Variants in DLC1 observed in about 807,000 individuals in gnomAD.
The protein encoded by DLC1 is rho GTPase-activating protein 7.
In DLC1, 54 loss-of-function variants were observed where a neutral mutation model predicts 140.3. The observed-to-expected ratio is 0.38, with a 90% confidence interval of 0.31 to 0.48. The LOEUF is 0.48. DLC1 is among the 20% of genes least tolerant of loss of function. DLC1 has a pLI of 0.96. For synonymous variants in DLC1, 986 were observed against 728.1 expected (o/e 1.35, Z -5.70); for missense variants, 2,536 against 1,907.0 (o/e 1.33, Z -6.14).
intron 1 of DLC1, among the ~76,000 whole-genome samples, chr8:13,549,861 A>G (rs1295883964): frequency 1.3e-5 from 2 of 152,118 alleles, no homozygotes; most frequent in African/African-American, 2.4e-5. Context: ...GTTACCCTTT[A>G]TTTCTATCCT....
chr8:13,352,769 C>T (rs990137923), intron 4 of DLC1, among the ~76,000 whole-genome samples: 5 of 152,114 alleles, frequency 3.3e-5, no homozygotes, highest in African/African-American at 4.8e-5. Flanking sequence ...GAGGAAGAAT[C>T]GTTAAGCAAC....
Position 13,500,021 on chromosome 8 carries a change from C to G in DLC1, c.51G>C (p.Trp17Cys), listed in dbSNP as rs201093868. The G allele has an allele frequency of 9.9e-6, 16 of 1,613,962 alleles. No individual in the cohort carries two copies. The highest frequency in any genetic ancestry group is 1.1e-5 in the South Asian group (1 of 91,088). Residue 17 changes from tryptophan (W) to cysteine (C), a missense_variant, in exon 2 of 18, where the codon TGG becomes TGC. Transcript: ENST00000276297. ...KRSWEEHVTH[W>C]MGQPFNSDDR... ...CATCAGAATTAAAAGGCTGTCCCAT[C>G]CAGTGGGTCACATGTTCTTCCCAGC...
chr8:13,124,479 AT>A (rs936370177), intron 5 of DLC1, among the ~76,000 whole-genome samples: 2 of 152,230 alleles, frequency 1.3e-5, no homozygotes, highest in African/African-American at 4.8e-5. Flanking sequence ...CATGGATCAG[AT>A]GGAAGCACCT....
intron 2 of DLC1, among the ~76,000 whole-genome samples, chr8:13,422,291 T>C (rs1418985143): frequency 1.3e-5 from 2 of 152,246 alleles, no homozygotes; most frequent in African/African-American, 2.4e-5. Flanking sequence ...CAGAAGCCCA[T>C]GGTAGATGAA....
intron 3 of DLC1, among the ~76,000 whole-genome samples, chr8:13,400,775 T>C (rs928813395): frequency 6.6e-6 from 1 of 151,882 alleles, no homozygotes; most frequent in African/African-American, 2.4e-5. Flanking sequence ...ATAAGTAAAC[T>C]CAACCATCCT....
intron 4 of DLC1, among the ~76,000 whole-genome samples, chr8:13,338,289 G>A (rs1375297316): frequency 6.6e-6 from 1 of 152,106 alleles, no homozygotes. Context: ...ATAAATTAGA[G>A]TCACAAAGCC....
chr8:13,470,981 C>G (rs986066771), intron 2 of DLC1, among the ~76,000 whole-genome samples: 6 of 152,104 alleles, frequency 3.9e-5, no homozygotes, highest in Admixed American at 2.0e-4. Flanking sequence ...GAAGGAAATC[C>G]TGACATGCTA....
intron 5 of DLC1, among the ~76,000 whole-genome samples, chr8:13,122,781 A>G (rs924279181): frequency 6.6e-6 from 1 of 150,732 alleles, no homozygotes; most frequent in Non-Finnish European, 1.5e-5. Flanking sequence ...AAAAATTCCA[A>G]ACATCTGCTA....
intron 5 of DLC1, among the ~76,000 whole-genome samples, chr8:13,244,898 G>T (rs1418969839): frequency 6.6e-6 from 1 of 152,352 alleles, no homozygotes; most frequent in South Asian, 2.1e-4. Flanking sequence ...AGGCAAGAAG[G>T]AAGACGGTTG....
chr8:13,232,205 C>A (rs1025995474), intron 5 of DLC1, among the ~76,000 whole-genome samples: 1 of 152,158 alleles, frequency 6.6e-6, no homozygotes, highest in Non-Finnish European at 1.5e-5. Context: ...AGACAGCTGT[C>A]TACCAGTGAT....
chr8:13,371,719 G>T (rs1246394267), intron 4 of DLC1, among the ~76,000 whole-genome samples: 3 of 152,016 alleles, frequency 2.0e-5, no homozygotes, highest in Non-Finnish European at 4.4e-5. Flanking sequence ...CAGAAAGAAT[G>T]GTGCTGTCCC....
chr8:13,267,103 G>A (rs1830718137), intron 5 of DLC1, among the ~76,000 whole-genome samples: 1 of 152,306 alleles, frequency 6.6e-6, no homozygotes, highest in South Asian at 2.1e-4. Flanking sequence ...CAGCACAAAA[G>A]AAAGATGTTT....
chr8:13,305,047 G>A (rs1586101999), intron 5 of DLC1: 1 of 1,174,280 alleles, frequency 8.5e-7, no homozygotes. Flanking sequence ...AAGACCCCAA[G>A]AAACACATAT....
At chr8:13,255,882 C>T (rs1830204246) in intron 5 of DLC1, among the ~76,000 whole-genome samples, 2 of 152,054 alleles carry the variant, frequency 1.3e-5, no homozygotes, top group African/African-American at 4.8e-5. Context: ...TGCCCATTGC[C>T]CTTTTTATTG....
rs1563454028 is a variant in DLC1, at chr8:13,579,352, TA to T, written c.-126+25184del. Among the ~76,000 whole-genome samples, 24 of 31,508 alleles carry T rather than the reference TA, an allele frequency of 7.6e-4. 6 individuals are homozygous for T. The highest frequency in any genetic ancestry group is 2.4e-3 in the Admixed American group (5 of 2,042). The allele number at this position is 31,508 out of a possible 152,430, so 20.7% of individuals were successfully genotyped here. A position where few individuals can be genotyped will look rare whatever the true frequency, so the allele number is the denominator to read the frequency against. ...ATATATATATATATATATATATATA[TA>T]TATATATATTTTTATATAATACATA... On this transcript the variant is annotated intron_variant, in intron 1 of 1. Coordinates refer to the DLC1 transcript ENST00000631382.
chr8:13,450,137 T>C (rs917130066), intron 2 of DLC1, among the ~76,000 whole-genome samples: 3 of 152,004 alleles, frequency 2.0e-5, no homozygotes, highest in African/African-American at 4.8e-5. Flanking sequence ...ATTTATTGAG[T>C]AAAATAGATC....
chr8:13,337,900 A>T (rs1037483188), intron 4 of DLC1, among the ~76,000 whole-genome samples: 2 of 152,212 alleles, frequency 1.3e-5, no homozygotes, highest in African/African-American at 4.8e-5. Flanking sequence ...CATGAAAAAA[A>T]TCCCCATATA....
intron 4 of DLC1, among the ~76,000 whole-genome samples, chr8:13,375,735 A>T (rs199633777): frequency 1.4e-4 from 21 of 150,700 alleles, no homozygotes; most frequent in African/African-American, 4.7e-4. Context: ...TTTTATTTTT[A>T]TTTTTTTGCT....
chr8:13,288,933 A>G (rs1455401890), intron 5 of DLC1, among the ~76,000 whole-genome samples: 4 of 152,166 alleles, frequency 2.6e-5, no homozygotes, highest in African/African-American at 9.6e-5. Context: ...TTATGTGGCA[A>G]TTTATATATG....
Sources: allele counts gnomAD v4.1 joint callset (sites outside exome capture counted in the v4.1 genomes callset), GRCh38; gene constraint gnomAD v4.1.1; transcripts MANE v1.5; gene names NCBI Gene and HGNC (gene_info 2026-07-23, HGNC 2026-07-21).